DENND2B: variants seen among roughly 807,000 people sequenced by gnomAD.
The protein encoded by DENND2B is DENN domain containing 2B, also known as DENN domain-containing protein 2B.
DENND2B carries 32 observed loss-of-function variants against 116.0 expected under a neutral mutation model. The ratio of observed to expected loss-of-function variants is 0.28; its 90% CI spans 0.21 to 0.37. DENND2B has a LOEUF of 0.37. Among genes scored for constraint, DENND2B ranks in the 10% least tolerant of loss-of-function variants. The pLI, the probability that DENND2B is intolerant of heterozygous loss-of-function variation, is 1.00. For missense variants in DENND2B, 1,276 were observed against 1,477.7 expected (o/e 0.86, Z 2.24); for synonymous variants, 588 against 583.9 (o/e 1.01, Z -0.10).
At chr11:8,755,975 G>A (rs1388734358) in intron 1 of DENND2B, among the ~76,000 whole-genome samples, 1 of 152,184 alleles carries the variant, frequency 6.6e-6, no homozygotes, top group Non-Finnish European at 1.5e-5. Context: ...ACAGAGAAGG[G>A]AGAGAAAAGG....
intron 18 of DENND2B, 143 bp from the exon 19 acceptor site, chr11:8,695,692 C>A: frequency 1.4e-6 from 1 of 720,314 alleles, no homozygotes; most frequent in South Asian, 1.8e-5. Flanking sequence ...GAGCATCTTA[C>A]TAGAATTCGG....
At chr11:8,781,354 G>A (rs2058353525) in intron 1 of DENND2B, among the ~76,000 whole-genome samples, 2 of 152,148 alleles carry the variant, frequency 1.3e-5, no homozygotes, top group Non-Finnish European at 2.9e-5. Flanking sequence ...AGAGTTGGGA[G>A]GAGGTGAGGT....
chr11:8,892,776 G>C (rs1173993646), intron 1 of DENND2B, among the ~76,000 whole-genome samples: 3 of 152,112 alleles, frequency 2.0e-5, no homozygotes, highest in African/African-American at 7.2e-5. Context: ...ACCAAAAAAA[G>C]TCCAGGACCA....
intron 2 of DENND2B, among the ~76,000 whole-genome samples, chr11:8,747,728 C>G (rs868837928): frequency 1.4e-4 from 21 of 152,164 alleles, no homozygotes; most frequent in African/African-American, 3.6e-4. Flanking sequence ...GACAAGGAAA[C>G]CTGCTCCAGG....
At chr11:8,888,515 G>T (rs2063987558) in intron 1 of DENND2B, among the ~76,000 whole-genome samples, 1 of 152,150 alleles carries the variant, frequency 6.6e-6, no homozygotes, top group African/African-American at 2.4e-5. Flanking sequence ...CGTTGAATTG[G>T]CAATCATTTC....
intron 4 of DENND2B, among the ~76,000 whole-genome samples, chr11:8,821,492 T>C (rs549385972): frequency 9.9e-4 from 150 of 150,916 alleles, no homozygotes; most frequent in African/African-American, 3.6e-3. Flanking sequence ...AGTAGGAGGA[T>C]CACATTAGCC....
At chr11:8,887,955 A>G (rs1395185436) in intron 1 of DENND2B, among the ~76,000 whole-genome samples, 1 of 152,144 alleles carries the variant, frequency 6.6e-6, no homozygotes, top group Non-Finnish European at 1.5e-5. Context: ...GATGGGGAGA[A>G]AAAAATAAAC....
chr11:8,851,556 T>C (rs1014373863), intron 3 of DENND2B, among the ~76,000 whole-genome samples: 11 of 152,182 alleles, frequency 7.2e-5, no homozygotes, highest in African/African-American at 2.7e-4. Context: ...GTGTACAGTG[T>C]ACACAGGTTA....
At chr11:8,846,233 T>C (rs573421748) in intron 3 of DENND2B, among the ~76,000 whole-genome samples, 2 of 152,240 alleles carry the variant, frequency 1.3e-5, no homozygotes, top group African/African-American at 4.8e-5. Context: ...GAGGGGACAG[T>C]GTCTATGCTA....
At chr11:8,857,873 A>C (rs945146392) in intron 2 of DENND2B, among the ~76,000 whole-genome samples, 25 of 152,196 alleles carry the variant, frequency 1.6e-4, no homozygotes, top group Non-Finnish European at 2.5e-4. Context: ...TAGCCCTTCC[A>C]CCTTTAAAAA....
chr11:8,902,399 T>A (rs982646612), intron 1 of DENND2B, among the ~76,000 whole-genome samples: 1 of 152,162 alleles, frequency 6.6e-6, no homozygotes, highest in Admixed American at 6.5e-5. Flanking sequence ...CTTGCTTGAA[T>A]TTTGTCAGTT....
intron 3 of DENND2B, among the ~76,000 whole-genome samples, chr11:8,852,813 G>C (rs2063056751): frequency 6.6e-6 from 1 of 152,230 alleles, no homozygotes; most frequent in African/African-American, 2.4e-5. Context: ...TCTGAGAAAT[G>C]AAAGCTGCAT....
Position 8,710,753 on chromosome 11 carries a change from GCACACACACACACACACACACA to G in DENND2B, c.2352+70_2352+91del, listed in dbSNP as rs56230708. On this transcript the variant is annotated intron_variant, in intron 11 of 19. Coordinates refer to ENST00000313726, the MANE Select transcript of DENND2B (RefSeq NM_213618.2). ...TCATACAAGCTAAAATTGCAGAAGG[GCACACACACACACACACACACA>G]CACACACACACACACACACCCTGGC... is the stretch of plus-strand genomic sequence containing the variant. 2,537 of 831,692 alleles carry G rather than the reference GCACACACACACACACACACACA, an allele frequency of 3.1e-3. 5 individuals are homozygous for G. The highest frequency in any genetic ancestry group is 0.011 in the South Asian group (782 of 68,410). The allele number at this position is 831,692 out of a possible 1,614,324, so 51.5% of individuals were successfully genotyped here. A position where few individuals can be genotyped will look rare whatever the true frequency, so the allele number is the denominator to read the frequency against.
Position 8,707,080 on chromosome 11 carries a change from C to T in DENND2B, c.2571+5G>A. 6.2e-7 allele frequency: 1 copy of T among 1,611,854 alleles called. No individual in the cohort carries two copies. Among genetic ancestry groups the T allele is most frequent in the East Asian group, 2.2e-5 (1 of 44,834 alleles). On this transcript the variant is annotated splice_donor_5th_base_variant and intron_variant, in intron 13 of 19. Coordinates refer to ENST00000313726, the MANE Select transcript of DENND2B (RefSeq NM_213618.2). The surrounding 1 kb of genome is among the most constrained non-coding windows in gnomAD (Gnocchi z 4.8). ...CCCGAGAGAAGAGGGTGCAGAAATC[C>T]CTACCTCATTGCCAGCACCTGGCAG... is the stretch of plus-strand genomic sequence containing the variant.
chr11:8,746,257 C>A (rs1199517499), intron 2 of DENND2B, among the ~76,000 whole-genome samples: 1 of 152,210 alleles, frequency 6.6e-6, no homozygotes, highest in Non-Finnish European at 1.5e-5. Context: ...CTACATTGGC[C>A]ATGGAACCTC....
intron 2 of DENND2B, among the ~76,000 whole-genome samples, chr11:8,864,041 G>A (rs897412331): frequency 3.9e-5 from 6 of 152,046 alleles, no homozygotes; most frequent in Non-Finnish European, 8.8e-5. Flanking sequence ...GCTAACTAGA[G>A]TTCCCGGCAA....
intron 4 of DENND2B, among the ~76,000 whole-genome samples, chr11:8,833,444 A>G (rs2062295440): frequency 6.6e-6 from 1 of 152,202 alleles, no homozygotes; most frequent in South Asian, 2.1e-4. Context: ...CAGATTCCAT[A>G]AAATCCAGAT....
intron 2 of DENND2B, among the ~76,000 whole-genome samples, chr11:8,866,474 C>A (rs373545513): frequency 6.6e-6 from 1 of 152,168 alleles, no homozygotes; most frequent in Non-Finnish European, 1.5e-5. Context: ...AGCATTCTCC[C>A]GGGAAGACAT....
intron 3 of DENND2B, among the ~76,000 whole-genome samples, chr11:8,851,535 C>T (rs1422049256): frequency 1.3e-5 from 2 of 152,124 alleles, no homozygotes; most frequent in African/African-American, 2.4e-5. Flanking sequence ...CTCTCGCTCA[C>T]GCTAGTAGAA....
Sources: allele counts gnomAD v4.1 joint callset (sites outside exome capture counted in the v4.1 genomes callset), GRCh38; gene constraint gnomAD v4.1.1; non-coding constraint Gnocchi (gnomAD v3.1); transcripts MANE v1.5; gene names NCBI Gene and HGNC (gene_info 2026-07-23, HGNC 2026-07-21).